The following CBR4 variants were observed in gnomAD, a reference collection of about 807,000 sequenced individuals.
The protein encoded by CBR4 is 3-oxoacyl-[acyl-carrier-protein] reductase.
In CBR4, 22 loss-of-function variants were observed where a neutral mutation model predicts 21.0. That is an observed-to-expected ratio of 1.05 (90% CI 0.75 to 1.50). The LOEUF (loss-of-function observed/expected upper bound fraction) is 1.50. Ranked by LOEUF, CBR4 falls within the 40% of genes most tolerant of loss-of-function variation. The probability of loss-of-function intolerance (pLI) is 0.00; values close to 1 mark genes in which losing one functional copy is unlikely to be tolerated. For missense variants in CBR4, 302 were observed against 286.3 expected, an observed-to-expected ratio of 1.05 and a Z score of -0.40; for synonymous variants, 100 against 104.4, an observed-to-expected ratio of 0.96 and a Z score of 0.26.
At chr4:168,918,843 T>G (rs1301083500) in intron 2 of CBR4, among the ~76,000 whole-genome samples, 2 of 152,128 alleles carry the variant, frequency 1.3e-5, no homozygotes, top group African/African-American at 4.8e-5. Context: ...TAAAATAACG[T>G]TTTGAGTTAA....
chr4:169,009,482 G>A (rs2126884881), intron 1 of CBR4, among the ~76,000 whole-genome samples: 1 of 152,374 alleles, frequency 6.6e-6, no homozygotes, highest in East Asian at 1.9e-4. Flanking sequence ...CGGCCCTTGG[G>A]CAAAACTGAA....
intron 2 of CBR4, among the ~76,000 whole-genome samples, chr4:168,972,511 T>C (rs1764241721): frequency 6.6e-6 from 1 of 152,342 alleles, no homozygotes; most frequent in African/African-American, 2.4e-5. Flanking sequence ...TGGTTAGGTA[T>C]ATTCCTAAAT....
intron 2 of CBR4, among the ~76,000 whole-genome samples, chr4:168,947,357 C>T (rs1009697035): frequency 1.3e-5 from 2 of 152,062 alleles, no homozygotes; most frequent in Admixed American, 6.6e-5. Context: ...GGTGCAATTC[C>T]GTATGTTCCT....
intron 2 of CBR4, among the ~76,000 whole-genome samples, chr4:168,975,811 T>C (rs1223599425): frequency 1.3e-5 from 2 of 152,098 alleles, no homozygotes; most frequent in African/African-American, 2.4e-5. Flanking sequence ...AATTAAGTTA[T>C]GTTCCCAGGG....
intron 2 of CBR4, among the ~76,000 whole-genome samples, chr4:168,905,796 T>C (rs1050633205): frequency 1.4e-5 from 2 of 147,134 alleles, no homozygotes; most frequent in African/African-American, 2.5e-5. Context: ...TTTTCTTTTT[T>C]TTTTTTTTTT....
At chr4:168,928,326 TA>T (rs398064261) in intron 2 of CBR4, 122,606 of 179,392 alleles carry the variant, frequency 0.68, 43,726 homozygotes, top group East Asian at 0.95. Context: ...ATTGTATTTA[TA>T]AAAAAAAAAG....
intron 2 of CBR4, among the ~76,000 whole-genome samples, chr4:168,948,098 T>A (rs1281136834): frequency 1.3e-5 from 2 of 152,190 alleles, no homozygotes; most frequent in Non-Finnish European, 2.9e-5. Context: ...TATCACACTG[T>A]GGTTTTGATT....
At chr4:168,953,482 A>G (rs985822503) in intron 2 of CBR4, among the ~76,000 whole-genome samples, 1 of 152,108 alleles carries the variant, frequency 6.6e-6, no homozygotes, top group Non-Finnish European at 1.5e-5. Flanking sequence ...CAGTGGCACA[A>G]TCACAATCAC....
At position 168,935,421 on chromosome 4, in the gene CBR4, C is replaced by T. The variant is rs569254125; in HGVS notation, n.170-40656G>A. ...AACACCAGCGAGACAGAACCATTCACTCCCTGGAAAGGGGGCTCAAGCTAG... is the reference window on the plus strand; with the variant it reads ...AACACCAGCGAGACAGAACCATTCATTCCCTGGAAAGGGGGCTCAAGCTAG... On this transcript the variant is annotated intron_variant and non_coding_transcript_variant, in intron 2 of 3. Coordinates refer to the CBR4 transcript ENST00000509108. Among the ~76,000 whole-genome samples the T allele has an allele frequency of 4.6e-5, 7 of 152,288 alleles. No homozygotes were observed. The South Asian group carries it at 1.5e-3, about 32-fold the overall frequency.
chr4:168,998,615 A>G (rs761162458), intron 4 of CBR4, among the ~76,000 whole-genome samples: 1 of 152,186 alleles, frequency 6.6e-6, no homozygotes, highest in African/African-American at 2.4e-5. Context: ...AGATTGAACA[A>G]TTCTGGGACT....
downstream of CBR4, among the ~76,000 whole-genome samples, chr4:168,987,006 C>T (rs1348196791): frequency 1.3e-5 from 2 of 152,178 alleles, no homozygotes; most frequent in East Asian, 1.9e-4. Context: ...ATTTCCCTCA[C>T]CCTGCCTACC....
chr4:168,968,173 CT>C (rs1178821911), intron 2 of CBR4, among the ~76,000 whole-genome samples: 4 of 152,156 alleles, frequency 2.6e-5, no homozygotes, highest in South Asian at 2.1e-4. Flanking sequence ...CCAAACTGCC[CT>C]TTTTTATGAC....
At chr4:168,996,898 T>C (rs1186361954) in intron 4 of CBR4, among the ~76,000 whole-genome samples, 2 of 152,178 alleles carry the variant, frequency 1.3e-5, no homozygotes, top group African/African-American at 2.4e-5. Context: ...ACCCAGGACA[T>C]GACATATAAA....
chr4:168,919,940 C>T (rs1761094424), intron 2 of CBR4, among the ~76,000 whole-genome samples: 1 of 152,152 alleles, frequency 6.6e-6, no homozygotes, highest in African/African-American at 2.4e-5. Context: ...TAACTATCCA[C>T]TGGGTAGGTT....
chr4:168,975,375 C>T (rs1292929560), intron 2 of CBR4, among the ~76,000 whole-genome samples: 1 of 152,160 alleles, frequency 6.6e-6, no homozygotes, highest in Admixed American at 6.5e-5. Context: ...TTCTTGAATG[C>T]TGGTTATGTT....
chr4:168,942,236 G>A (rs1397831585), intron 2 of CBR4, among the ~76,000 whole-genome samples: 1 of 151,910 alleles, frequency 6.6e-6, no homozygotes, highest in Non-Finnish European at 1.5e-5. Flanking sequence ...CCTGTTGGGG[G>A]GTGGGGAGCA....
At chr4:168,915,800 T>A (rs1157758696) in intron 2 of CBR4, 2 of 937,522 alleles carry the variant, frequency 2.1e-6, no homozygotes, top group Non-Finnish European at 3.5e-6. Context: ...GAAATCATAT[T>A]ATTACCCCAT....
rs2126877283 is a variant in CBR4 at position 169,007,732 on chromosome 4, T to A, written c.167A>T (p.Asp56Val). 1 of 1,586,280 alleles carries A rather than the reference T, an allele frequency of 6.3e-7. No individual in the cohort carries two copies. The highest frequency in any genetic ancestry group is 2.3e-5 in the East Asian group (1 of 43,280). The change falls in exon 2 of 5, where the codon GAT (aspartate) becomes GTT (valine). Residue 56 changes from aspartate (D) to valine (V), a missense_variant. Physicochemically the swap from Asp to Val is radical, Grantham distance 152. Transcript: ENST00000306193. ...LGGDHLAFSC[D>V]VAKEHDVQNT... The stretch of plus-strand genomic sequence containing the variant: ...TTGAACATCATGTTCTTTAGCAACA[T>A]CACAGCTAAATGCCAAATGATCTCC...
chr4:168,923,505 AAAC>A (rs1761983867), intron 2 of CBR4, among the ~76,000 whole-genome samples: 1 of 152,202 alleles, frequency 6.6e-6, no homozygotes, highest in Non-Finnish European at 1.5e-5. Flanking sequence ...TGATCCAAGA[AAAC>A]AATTTCCCAT....
Sources: allele counts gnomAD v4.1 joint callset (sites outside exome capture counted in the v4.1 genomes callset), GRCh38; gene constraint gnomAD v4.1.1; transcripts MANE v1.5; gene names NCBI Gene and HGNC (gene_info 2026-07-23, HGNC 2026-07-21).